The following CCDC88A variants were observed in gnomAD, a reference collection of about 807,000 sequenced individuals.
CCDC88A encodes girdin.
In CCDC88A, 54 loss-of-function variants were observed where a neutral mutation model predicts 234.3. The observed-to-expected ratio is 0.23, with a 90% CI of 0.19 to 0.29. The LOEUF (loss-of-function observed/expected upper bound fraction) is 0.29. CCDC88A is among the 10% of genes least tolerant of loss of function. The pLI is 1.00. For missense variants in CCDC88A, 1,832 were observed against 2,123.4 expected (o/e 0.86, Z 2.70); for synonymous variants, 753 against 737.8 (o/e 1.02, Z -0.33).
Position 55,398,749 on chromosome 2 carries a change from C to CA in CCDC88A, c.165-9864dup, listed in dbSNP as rs200968674. ...GCAACACAGTGAAACCTCATCTCCA[C>CA]AAAAAAATTTAAAAATGAGGCAGGA... On this transcript the variant is annotated intron_variant, in intron 2 of 32. Transcript: ENST00000436346. Among the ~76,000 whole-genome samples the CA allele has an allele frequency of 9.7e-3, 1,476 of 151,854 alleles. 22 individuals carry two copies. Among genetic ancestry groups the CA allele is most frequent in the African/African-American group, 0.033 (1,373 of 41,396 alleles).
intron 22 of CCDC88A, chr2:55,313,028 G>A (rs6545487): frequency 0.59 from 91,552 of 155,334 alleles, 27,683 homozygotes; most frequent in Admixed American, 0.66. Context: ...TAGCATGTGT[G>A]TAGCACACAC....
chr2:55,365,893 A>G (rs962298186), intron 5 of CCDC88A, among the ~76,000 whole-genome samples: 4 of 152,238 alleles, frequency 2.6e-5, no homozygotes, highest in African/African-American at 7.2e-5. Flanking sequence ...ATATGCAGCT[A>G]CTGAGTACCT....
intron 2 of CCDC88A, among the ~76,000 whole-genome samples, chr2:55,412,729 A>G (rs1055445823): frequency 6.6e-6 from 1 of 152,266 alleles, no homozygotes; most frequent in African/African-American, 2.4e-5. Flanking sequence ...TGATAATAAT[A>G]TAAATAAAAC....
intron 7 of CCDC88A, 93 bp downstream of exon 7, chr2:55,362,214 TA>T: frequency 1.0e-6 from 1 of 989,730 alleles, no homozygotes; most frequent in Non-Finnish European, 1.5e-6. Flanking sequence ...CACCTGTCTC[TA>T]AGAAATAGTA....
intron 17 of CCDC88A, among the ~76,000 whole-genome samples, chr2:55,327,333 G>A (rs956576818): frequency 1.3e-5 from 2 of 152,154 alleles, no homozygotes; most frequent in African/African-American, 2.4e-5. Context: ...TCTGAGTACA[G>A]CAACTCTCAT....
intron 3 of CCDC88A, among the ~76,000 whole-genome samples, chr2:55,381,159 A>G (rs68071259): frequency 0.3 from 46,079 of 152,022 alleles, 7,366 homozygotes; most frequent in East Asian, 0.54. Context: ...GCTATAGGCT[A>G]CACCATATAC....
chr2:55,314,431 G>A (rs2104614976), intron 22 of CCDC88A: 1 of 152,354 alleles, frequency 6.6e-6, no homozygotes, highest in African/African-American at 2.4e-5. Context: ...GTTAGATGGA[G>A]TTTCGCTCTT....
intron 2 of CCDC88A, chr2:55,416,903 T>A (rs776541850): frequency 1.3e-5 from 2 of 151,936 alleles, no homozygotes; most frequent in Non-Finnish European, 2.9e-5. Context: ...AAAGCAAAAG[T>A]ATACTTTTTT....
chr2:55,304,505 G>GA (rs920322421), intron 25 of CCDC88A, among the ~76,000 whole-genome samples: 12 of 151,892 alleles, frequency 7.9e-5, no homozygotes, highest in Non-Finnish European at 1.3e-4. Flanking sequence ...TTCGTTGGGG[G>GA]AAAGAGGGGA....
intron 14 of CCDC88A, 64 bp downstream of exon 14, chr2:55,336,617 T>C: frequency 1.9e-6 from 2 of 1,060,242 alleles, no homozygotes; most frequent in Non-Finnish European, 2.7e-6. Context: ...TTTGCATATA[T>C]TTTAAATAAC....
In CCDC88A at chr2:55,384,071, CAT is replaced by C. The variant is rs553248134; in HGVS notation, c.273+4705_273+4706del. On this transcript the variant is annotated intron_variant, in intron 3 of 32. Transcript: ENST00000436346. Reference sequence around the variant, plus strand: ...TTAAAAAATATAGCATAGTGACACACATGTGTAGTCCCAGCTACTTAGGAGGC... The same window carrying C: ...TTAAAAAATATAGCATAGTGACACACGTGTAGTCCCAGCTACTTAGGAGGC... 3.0e-3 allele frequency among the ~76,000 whole-genome samples: 457 copies of C among 152,008 alleles called. 2 individuals carry two copies. The highest frequency in any genetic ancestry group is 7.2e-3 in the African/African-American group (300 of 41,454).
intron 26 of CCDC88A, among the ~76,000 whole-genome samples, chr2:55,302,318 ATT>A (rs1409648667): frequency 2.0e-5 from 3 of 152,192 alleles, no homozygotes; most frequent in Non-Finnish European, 4.4e-5. Context: ...AGAGAAAGGA[ATT>A]TTACTAAGTA....
chr2:55,337,838 T>G (rs182466071), intron 13 of CCDC88A, among the ~76,000 whole-genome samples: 2 of 151,954 alleles, frequency 1.3e-5, no homozygotes, highest in East Asian at 3.9e-4. Flanking sequence ...AGACCCTAGC[T>G]CGAAATACTA....
At chr2:55,359,140 C>T (rs920730497) in intron 7 of CCDC88A, among the ~76,000 whole-genome samples, 3 of 152,128 alleles carry the variant, frequency 2.0e-5, no homozygotes, top group African/African-American at 7.2e-5. Flanking sequence ...AAACCAGATA[C>T]AATCTTTCTT....
intron 12 of CCDC88A, among the ~76,000 whole-genome samples, chr2:55,343,361 A>G (rs1307187773): frequency 6.6e-6 from 1 of 152,148 alleles, no homozygotes; most frequent in Admixed American, 6.5e-5. Flanking sequence ...ATTTCTTAAA[A>G]TACATTAATA....
chr2:55,325,994 GA>G (rs1336095042), intron 17 of CCDC88A, among the ~76,000 whole-genome samples: 1 of 136,916 alleles, frequency 7.3e-6, no homozygotes, highest in Non-Finnish European at 1.6e-5. Context: ...CAAGATTTCT[GA>G]TAGGTAGCAT....
chr2:55,344,657 T>G lies in CCDC88A; in HGVS notation c.1042-143A>C, dbSNP rs960424810. The stretch of plus-strand genomic sequence containing the variant: ...TACTGAGTAATAGAAATACAATTAA[T>G]GTTTTCTTGGCTTCCTTTTTACCCC... On this transcript the variant is annotated intron_variant, in intron 10 of 32. Coordinates refer to ENST00000436346, the MANE Select transcript of CCDC88A (RefSeq NM_001365480.1). 1.6e-5 allele frequency: 7 copies of G among 447,384 alleles called. No individual in the cohort carries two copies. The South Asian group carries it at 4.7e-4, about 30-fold the overall frequency. 27.7% of individuals were successfully genotyped at this position (447,384 alleles called of 1,614,324 possible). A position where few individuals can be genotyped will look rare whatever the true frequency, so the allele number is the denominator to read the frequency against.
At chr2:55,409,572 T>C (rs2104977745) in intron 2 of CCDC88A, among the ~76,000 whole-genome samples, 1 of 152,238 alleles carries the variant, frequency 6.6e-6, no homozygotes, top group East Asian at 1.9e-4. Context: ...TATTCCCATA[T>C]TAATTGATCT....
chr2:55,304,644 G>A (rs1189331132), intron 25 of CCDC88A, among the ~76,000 whole-genome samples: 1 of 152,092 alleles, frequency 6.6e-6, no homozygotes, highest in African/African-American at 2.4e-5. Flanking sequence ...ATTTTGAAGA[G>A]CTTTTTGAAG....
Sources: gnomAD v4.1 joint callset for allele counts (sites outside exome capture counted in the v4.1 genomes callset) on GRCh38, gnomAD v4.1.1 for gene constraint, MANE v1.5 for transcripts, NCBI Gene and HGNC (gene_info 2026-07-23, HGNC 2026-07-21) for gene names.